The following PRKCZ variants were observed in gnomAD, a reference collection of about 807,000 sequenced individuals.
The protein encoded by PRKCZ is protein kinase C zeta, also known as protein kinase C zeta type.
Under a neutral mutation model 79.5 loss-of-function variants are expected in PRKCZ, and 33 were observed. That is an observed-to-expected ratio of 0.41 (90% CI 0.31 to 0.55). PRKCZ has a LOEUF of 0.55. Among genes scored for constraint, PRKCZ ranks in the 20% least tolerant of loss-of-function variants. The pLI is 0.19. For synonymous variants in PRKCZ, 342 were observed against 320.9 expected (o/e 1.07, Z -0.70); for missense variants, 578 against 813.5 (o/e 0.71, Z 3.52).
At chr1:2,084,293 C>T (rs1664097970) in intron 4 of PRKCZ, among the ~76,000 whole-genome samples, 1 of 152,242 alleles carries the variant, frequency 6.6e-6, no homozygotes, top group Non-Finnish European at 1.5e-5. Context: ...TATTGCTCCA[C>T]TGGGTTCTGC....
At chr1:2,108,521 C>CGAG (rs1404435020) in intron 4 of PRKCZ, among the ~76,000 whole-genome samples, 1 of 152,210 alleles carries the variant, frequency 6.6e-6, no homozygotes, top group Non-Finnish European at 1.5e-5. Flanking sequence ...GGGCTGGCTG[C>CGAG]GAGGAGGAGG....
rs1663769225 is a variant in PRKCZ at position 2,082,649 on chromosome 1, T to G, written c.334+23058T>G. Among the ~76,000 whole-genome samples the G allele has an allele frequency of 6.6e-6, 1 of 152,086 alleles. No homozygotes were observed. Among genetic ancestry groups the G allele is most frequent in the African/African-American group, 2.4e-5 (1 of 41,418 alleles). ...TGGAGGGGTTCAGTGAAGGTGGAGT[T>G]GGGCAAGGGCGTACACGGTCGGCTT... On this transcript the variant is annotated intron_variant, in intron 4 of 17. Coordinates refer to ENST00000378567, the MANE Select transcript of PRKCZ (RefSeq NM_002744.6). This position sits in a 1 kb window ranked among gnomAD's most constrained non-coding sequence, Gnocchi z 4.4.
intron 11 of PRKCZ, chr1:2,171,501 G>A (rs968134227): frequency 2.0e-5 from 3 of 152,136 alleles, no homozygotes; most frequent in Non-Finnish European, 4.4e-5. Flanking sequence ...GAGTAGCTGG[G>A]ACTACAGGTG....
In PRKCZ at chr1:2,056,573, G is replaced by T; in HGVS notation, c.283G>T (p.Val95Phe). The change falls in exon 3 of 18, where the codon GTT becomes TTT. Residue 95 changes from valine to phenylalanine, a missense_variant and splice_region_variant. Coordinates refer to ENST00000378567, the MANE Select transcript of PRKCZ (RefSeq NM_002744.6). ...CAGGGATGAAGGCCTCATCATTCAT[G>T]GTTAGTGGCGGGGTCTGTGGTGGGC... The part of the protein sequence containing the change: ...QCRDEGLIIH[V>F]FPSTPEQPGL... 1.9e-6 allele frequency: 3 copies of T among 1,613,018 alleles called. No individual in the cohort carries two copies. Among genetic ancestry groups the T allele is most frequent in the Non-Finnish European group, 2.5e-6 (3 of 1,179,514 alleles).
At chr1:2,136,573 T>C (rs1024755226) in intron 5 of PRKCZ, among the ~76,000 whole-genome samples, 3 of 151,758 alleles carry the variant, frequency 2.0e-5, no homozygotes, top group Non-Finnish European at 4.4e-5. Flanking sequence ...GAGGACGAGG[T>C]TGGGGACACC....
chr1:2,182,091 T>A, intron 16 of PRKCZ: 1 of 309,092 alleles, frequency 3.2e-6, no homozygotes, highest in Non-Finnish European at 6.5e-6. Flanking sequence ...GGCATCCTAG[T>A]AGATGCCACG....
Position 2,168,423 on chromosome 1 carries a change from G to T in PRKCZ, c.975-1095G>T, listed in dbSNP as rs535618736. Reference sequence around the variant, plus strand: ...TCCCCAGCCGCTCCCCAAAGGCACGGCTTATTCTTCAGGGTGCCCGACTGG... The same window carrying T: ...TCCCCAGCCGCTCCCCAAAGGCACGTCTTATTCTTCAGGGTGCCCGACTGG... On this transcript the variant is annotated intron_variant, in intron 10 of 17. Transcript: ENST00000378567. This position sits in a 1 kb window ranked among gnomAD's most constrained non-coding sequence, Gnocchi z 4.7. Among the ~76,000 whole-genome samples, 2 of 152,318 alleles carry T rather than the reference G, an allele frequency of 1.3e-5. No homozygotes were observed. Among genetic ancestry groups the T allele is most frequent in the South Asian group, 4.1e-4 (2 of 4,830 alleles).
intron 4 of PRKCZ, among the ~76,000 whole-genome samples, chr1:2,070,523 G>A (rs1412523554): frequency 6.6e-6 from 1 of 152,202 alleles, no homozygotes; most frequent in South Asian, 2.1e-4. Flanking sequence ...TACTTGGCAA[G>A]CGGGAGGTTT....
chr1:2,182,883 G>A (rs1686896294), intron 16 of PRKCZ: 1 of 151,970 alleles, frequency 6.6e-6, no homozygotes, highest in Non-Finnish European at 1.5e-5. Flanking sequence ...GCCAGTGAAT[G>A]AGTGAGTGAG....
At chr1:2,050,816 C>A in intron 1 of PRKCZ, 115 bp downstream of exon 1, 1 of 668,506 alleles carries the variant, frequency 1.5e-6, no homozygotes, top group Non-Finnish European at 2.1e-6. Context: ...GAGGTCGCTG[C>A]GGGCCCGGGG....
chr1:2,083,102 C>G (rs1393037791), intron 4 of PRKCZ, among the ~76,000 whole-genome samples: 1 of 152,162 alleles, frequency 6.6e-6, no homozygotes, highest in Non-Finnish European at 1.5e-5. Context: ...AAACACGTAT[C>G]GTTAGCGTTT....
intron 4 of PRKCZ, chr1:2,104,638 G>C (rs775709469): frequency 4.1e-6 from 4 of 971,442 alleles, no homozygotes; most frequent in Non-Finnish European, 4.9e-6. Context: ...CCCAGGCAGG[G>C]AGCATCCAGG....
At position 2,168,793 on chromosome 1, in the gene PRKCZ, C is replaced by T. The variant is rs148302059; in HGVS notation, c.975-725C>T. The T allele has an allele frequency of 3.4e-3, 676 of 198,448 alleles. 6 individuals are homozygous for T. Among genetic ancestry groups the T allele is most frequent in the African/African-American group, 0.015 (628 of 42,594 alleles). The allele number at this position is 198,448 out of a possible 1,614,324, so 12.3% of individuals were successfully genotyped here. A position where few individuals can be genotyped will look rare whatever the true frequency, so the allele number is the denominator to read the frequency against. On this transcript the variant is annotated intron_variant, in intron 10 of 17. Coordinates refer to ENST00000378567, the MANE Select transcript of PRKCZ (RefSeq NM_002744.6). This position sits in a 1 kb window ranked among gnomAD's most constrained non-coding sequence, Gnocchi z 4.7. Reference sequence around the variant, plus strand: ...TAAACAATTCAGGTGCCAGAGGAGCCGCTGACCTAAAAAAACCCGCCACAG... The same window carrying T: ...TAAACAATTCAGGTGCCAGAGGAGCTGCTGACCTAAAAAAACCCGCCACAG...
chr1:2,059,890 C>T lies in PRKCZ; in HGVS notation c.334+299C>T, dbSNP rs76366054. On this transcript the variant is annotated intron_variant, in intron 4 of 17. Transcript: ENST00000378567. ...GCCAGGTGGGAGGCTGGACACTGCT[C>T]CTTTGTGGCTGCCTCAGCTCACGAC... is the stretch of plus-strand genomic sequence containing the variant. Among the ~76,000 whole-genome samples the T allele has an allele frequency of 3.1e-3, 466 of 152,286 alleles. 23 individuals carry two copies. In the East Asian group the frequency reaches 0.077, roughly 25 times the overall value.
chr1:2,087,718 G>C (rs1439142656), intron 4 of PRKCZ, among the ~76,000 whole-genome samples: 1 of 152,192 alleles, frequency 6.6e-6, no homozygotes, highest in African/African-American at 2.4e-5. Context: ...GTTTTGCTCT[G>C]AAGTGACCTT....
At chr1:2,061,847 C>G (rs1660705725) in intron 4 of PRKCZ, among the ~76,000 whole-genome samples, 1 of 152,250 alleles carries the variant, frequency 6.6e-6, no homozygotes, top group Non-Finnish European at 1.5e-5. Context: ...GACTGTGGTG[C>G]TCATCTCAGA....
In PRKCZ at chr1:2,174,856, A is replaced by G. The variant is rs183224551; in HGVS notation, c.1485+23A>G. The G allele has an allele frequency of 5.2e-5, 84 of 1,609,512 alleles. 1 individual carries two copies. In the African/African-American group the frequency reaches 1.1e-3, roughly 20 times the overall value. On this transcript the variant is annotated intron_variant, in intron 15 of 17. Transcript: ENST00000378567. The surrounding 1 kb of genome is among the most constrained non-coding windows in gnomAD (Gnocchi z 6.2). Reference sequence around the variant, plus strand: ...AAGGTACGTTTCTGGCCATGCTGACAAAATCTCGTTTGTGGCCTCGGTGTT... The same window carrying G: ...AAGGTACGTTTCTGGCCATGCTGACGAAATCTCGTTTGTGGCCTCGGTGTT...
chr1:2,089,946 T>C (rs2490557), intron 4 of PRKCZ, among the ~76,000 whole-genome samples: 74,632 of 151,810 alleles, frequency 0.49, 22,329 homozygotes, highest in East Asian at 0.88. Flanking sequence ...GACCAGCGTC[T>C]GAGAGCTGGG....
At chr1:2,053,302 T>C (rs540475239) in intron 1 of PRKCZ, among the ~76,000 whole-genome samples, 4 of 152,290 alleles carry the variant, frequency 2.6e-5, no homozygotes, top group African/African-American at 7.2e-5. Context: ...GGTTTCACTT[T>C]GTTGGCCAGG....
Sources: gnomAD v4.1 joint callset for allele counts (sites outside exome capture counted in the v4.1 genomes callset) on GRCh38, gnomAD v4.1.1 for gene constraint, Gnocchi (gnomAD v3.1) non-coding constraint, MANE v1.5 for transcripts, NCBI Gene and HGNC (gene_info 2026-07-23, HGNC 2026-07-21) for gene names.